Variants in CLVS1 observed in about 807,000 individuals in gnomAD.
The protein encoded by CLVS1 is clavesin-1.
In CLVS1, 10 loss-of-function variants were observed where a neutral mutation model predicts 33.1. The ratio of observed to expected loss-of-function variants is 0.30; its 90% CI spans 0.19 to 0.51. The LOEUF is 0.51. Ranked by LOEUF, CLVS1 falls within the 20% of genes least tolerant of loss-of-function variation. The pLI is 0.97. For missense variants in CLVS1, 343 were observed against 433.4 expected, an observed-to-expected ratio of 0.79 and a Z score of 1.85; for synonymous variants, 163 against 166.1, an observed-to-expected ratio of 0.98 and a Z score of 0.14.
At chr8:61,374,280 C>T (rs1813555927) in intron 2 of CLVS1, among the ~76,000 whole-genome samples, 1 of 152,084 alleles carries the variant, frequency 6.6e-6, no homozygotes, top group Non-Finnish European at 1.5e-5. Context: ...GAACCTTGAT[C>T]CTCTCCCCTT....
intron 2 of CLVS1, among the ~76,000 whole-genome samples, chr8:61,251,602 G>A (rs1808950736): frequency 6.6e-6 from 1 of 152,098 alleles, no homozygotes; most frequent in African/African-American, 2.4e-5. Flanking sequence ...CTTGTTATAG[G>A]TCTATTCAGG....
chr8:61,474,650 G>C (rs1206995794), intron 5 of CLVS1, among the ~76,000 whole-genome samples: 1 of 152,166 alleles, frequency 6.6e-6, no homozygotes, highest in Non-Finnish European at 1.5e-5. Context: ...GGTGAGATTG[G>C]TTAGGACCCC....
At chr8:61,298,763 G>T (rs1810314089) in intron 1 of CLVS1, among the ~76,000 whole-genome samples, 1 of 152,144 alleles carries the variant, frequency 6.6e-6, no homozygotes, top group Non-Finnish European at 1.5e-5. Flanking sequence ...TTTAAAATAA[G>T]ATGGAAACAG....
At chr8:61,207,792 G>A (rs1445444878) in intron 2 of CLVS1, among the ~76,000 whole-genome samples, 1 of 152,148 alleles carries the variant, frequency 6.6e-6, no homozygotes, top group Non-Finnish European at 1.5e-5. Context: ...TCGGGGAAAG[G>A]TTTAATTTTT....
In CLVS1 at chr8:61,458,722, A is replaced by G. The variant is rs183768360; in HGVS notation, c.977+180A>G. ...AAAACAAATGGGGCTTGGCTGGCCCAGCACTATAGTTGTCCCCATTGTATC... is the reference window on the plus strand; with the variant it reads ...AAAACAAATGGGGCTTGGCTGGCCCGGCACTATAGTTGTCCCCATTGTATC... On this transcript the variant is annotated intron_variant, in intron 5 of 5. Transcript: ENST00000325897. 3.7e-3 allele frequency: 2,014 copies of G among 546,326 alleles called. 11 individuals carry two copies. Among genetic ancestry groups the G allele is most frequent in the Middle Eastern group, 8.2e-3 (21 of 2,562 alleles). 33.8% of individuals were successfully genotyped at this position (546,326 alleles called of 1,614,324 possible).
At chr8:61,145,272 T>C (rs7014101) in intron 2 of CLVS1, among the ~76,000 whole-genome samples, 79,103 of 151,976 alleles carry the variant, frequency 0.52, 21,778 homozygotes, top group Middle Eastern at 0.71. Flanking sequence ...AAACAAACAA[T>C]CCCATGAAAA....
At chr8:61,452,011 A>T (rs758278322) in intron 3 of CLVS1, among the ~76,000 whole-genome samples, 3 of 152,238 alleles carry the variant, frequency 2.0e-5, no homozygotes, top group Non-Finnish European at 2.9e-5. Flanking sequence ...CACAGGGTTC[A>T]CATGTGTTTG....
At chr8:61,356,908 G>A (rs1257764103) in intron 2 of CLVS1, among the ~76,000 whole-genome samples, 1 of 152,048 alleles carries the variant, frequency 6.6e-6, no homozygotes, top group Non-Finnish European at 1.5e-5. Context: ...CTCTTTTTTG[G>A]TTCCATATGA....
At chr8:61,242,077 C>G (rs759440913) in intron 2 of CLVS1, among the ~76,000 whole-genome samples, 2 of 151,600 alleles carry the variant, frequency 1.3e-5, no homozygotes, top group Admixed American at 1.3e-4. Flanking sequence ...TAAAGATTTT[C>G]TACCCATCTT....
chr8:61,470,185 C>T (rs534706992), intron 5 of CLVS1, among the ~76,000 whole-genome samples: 1 of 152,278 alleles, frequency 6.6e-6, no homozygotes, highest in Non-Finnish European at 1.5e-5. Context: ...AATGAAAGGA[C>T]CATCTCCTTA....
intron 2 of CLVS1, among the ~76,000 whole-genome samples, chr8:61,219,124 T>C (rs1813536): frequency 0.48 from 72,228 of 152,042 alleles, 17,922 homozygotes; most frequent in East Asian, 0.82. Context: ...GCTGCAGTCA[T>C]TTATTTTTTA....
Position 61,277,664 on chromosome 8 carries a change from G to T in CLVS1, c.-151-22013G>T, listed in dbSNP as rs572377909. Among the ~76,000 whole-genome samples, 3 of 152,130 alleles carry T rather than the reference G, an allele frequency of 2.0e-5. No individual in the cohort carries two copies. In the South Asian group the frequency reaches 6.2e-4, roughly 32 times the overall value. On this transcript the variant is annotated intron_variant, in intron 2 of 2. Coordinates refer to the CLVS1 transcript ENST00000522621. ...GTAGGGAAGAAATAAAGTTCTTATGGGGAAAACAAGATTACAGGGAATTAC... is the reference window on the plus strand; with the variant it reads ...GTAGGGAAGAAATAAAGTTCTTATGTGGAAAACAAGATTACAGGGAATTAC...
chr8:61,345,398 G>A (rs1340118293), intron 2 of CLVS1, among the ~76,000 whole-genome samples: 3 of 152,060 alleles, frequency 2.0e-5, no homozygotes, highest in Non-Finnish European at 2.9e-5. Flanking sequence ...ATCCCAATAC[G>A]ACAAGTGCAA....
intron 2 of CLVS1, among the ~76,000 whole-genome samples, chr8:61,352,612 C>T (rs28886409): frequency 1.3e-5 from 2 of 151,536 alleles, no homozygotes; most frequent in Non-Finnish European, 3.0e-5. Context: ...TGGCTGTATT[C>T]GGATAAGGTA....
intron 1 of CLVS1, among the ~76,000 whole-genome samples, chr8:61,076,933 C>T (rs1304438885): frequency 1.3e-5 from 2 of 152,200 alleles, no homozygotes; most frequent in African/African-American, 4.8e-5. Flanking sequence ...CATTCTGTGC[C>T]TGTTGCGGAT....
At chr8:60,977,504 T>TA in the CLVS1 span, among the ~76,000 whole-genome samples, 1 of 152,032 alleles carries the variant, frequency 6.6e-6, no homozygotes, top group African/African-American at 2.4e-5. Context: ...ATAGAAATTA[T>TA]AAAAAGGAAC....
intron 2 of CLVS1, among the ~76,000 whole-genome samples, chr8:61,371,183 T>C (rs1279854868): frequency 3.3e-5 from 5 of 152,222 alleles, no homozygotes; most frequent in Admixed American, 6.5e-5. Flanking sequence ...ATGGCCATTC[T>C]TGCAGGAGTA....
chr8:61,092,873 C>T (rs1805274445), intron 1 of CLVS1, among the ~76,000 whole-genome samples: 1 of 152,118 alleles, frequency 6.6e-6, no homozygotes, highest in Non-Finnish European at 1.5e-5. Flanking sequence ...ATTGGGAGGC[C>T]ATTATTCTGC....
chr8:60,985,891 G>A, the CLVS1 span, among the ~76,000 whole-genome samples: 1 of 151,636 alleles, frequency 6.6e-6, no homozygotes, highest in Non-Finnish European at 1.5e-5. Flanking sequence ...GCCTTTATCC[G>A]GCATACAATA....
Sources: allele counts gnomAD v4.1 joint callset (sites outside exome capture counted in the v4.1 genomes callset), GRCh38; gene constraint gnomAD v4.1.1; transcripts MANE v1.5; gene names NCBI Gene and HGNC (gene_info 2026-07-23, HGNC 2026-07-21).